The following KANK1 variants were observed in gnomAD, a reference collection of about 807,000 sequenced individuals.
KANK1 encodes KN motif and ankyrin repeat domains 1.
In KANK1, 109 loss-of-function variants were observed where a neutral mutation model predicts 106.2. The observed-to-expected ratio is 1.03, with a 90% CI of 0.88 to 1.20. The LOEUF is 1.20. Among genes scored for constraint, KANK1 ranks in the 50% most tolerant of loss-of-function variants. The pLI is 0.00. For synonymous variants in KANK1, 873 were observed against 652.2 expected (o/e 1.34, Z -5.16); for missense variants, 2,399 against 1,710.7 (o/e 1.40, Z -7.10).
chr9:702,819 G>A (rs149994428), intron 2 of KANK1, among the ~76,000 whole-genome samples: 25 of 152,154 alleles, frequency 1.6e-4, no homozygotes, highest in Admixed American at 7.2e-4. Flanking sequence ...TCTAACCTTG[G>A]CATTCCTTCA....
chr9:569,038 G>T (rs2885157), intron 1 of KANK1, among the ~76,000 whole-genome samples: 88,382 of 151,834 alleles, frequency 0.58, 28,608 homozygotes, highest in East Asian at 0.85. Flanking sequence ...TAGAGGTTCA[G>T]CTGGGGACCA....
Position 705,857 on chromosome 9 carries a change from T to A in KANK1, c.38-4947T>A, listed in dbSNP as rs997881099. On this transcript the variant is annotated intron_variant, in intron 2 of 11. Coordinates refer to ENST00000382297, the MANE Select transcript of KANK1 (RefSeq NM_015158.5). ...TTCAAGTGATCCACCCTCCTCGGTC[T>A]CCCAAAGTGCTGGGATTACAGGCAT... Among the ~76,000 whole-genome samples, 4 of 152,000 alleles carry A rather than the reference T, an allele frequency of 2.6e-5. No homozygotes were observed. In the East Asian group the frequency reaches 7.7e-4, roughly 29 times the overall value.
intron 3 of KANK1, among the ~76,000 whole-genome samples, chr9:473,676 C>A (rs1049181686): frequency 6.6e-6 from 1 of 152,098 alleles, no homozygotes; most frequent in African/African-American, 2.4e-5. Flanking sequence ...TGTTCAGGAA[C>A]TATCTTGCAC....
rs536857528 is a variant in KANK1, at chr9:570,181, G to T, written c.-84+65427G>T. On this transcript the variant is annotated intron_variant, in intron 1 of 11. Transcript: ENST00000382297. ...ACTTTGGAGAATGTATTATTCTTTG[G>T]CCTAGTATGATTGTGTGTGTACATT... Among the ~76,000 whole-genome samples the T allele has an allele frequency of 3.9e-5, 6 of 152,192 alleles. No individual in the cohort carries two copies. The South Asian group carries it at 1.0e-3, about 26-fold the overall frequency.
Position 745,499 on chromosome 9 carries a change from C to G in KANK1, c.*264C>G. On this transcript the variant is annotated 3_prime_UTR_variant, in exon 12 of 12. Transcript: ENST00000382297. The stretch of plus-strand genomic sequence containing the variant: ...GAGTCTCTGCTCCGTTTTGTACAGT[C>G]ACAGGGAATTCTGATCTGAAGGGGC... 1 of 336,342 alleles carries G rather than the reference C, an allele frequency of 3.0e-6. No homozygotes were observed. The highest frequency in any genetic ancestry group is 5.4e-6 in the Non-Finnish European group (1 of 184,130). The allele number at this position is 336,342 out of a possible 1,614,324, so 20.8% of individuals were successfully genotyped here.
At chr9:591,821 G>A (rs758304933) in intron 1 of KANK1, among the ~76,000 whole-genome samples, 1 of 151,668 alleles carries the variant, frequency 6.6e-6, no homozygotes, top group Non-Finnish European at 1.5e-5. Context: ...ACGACGCCCA[G>A]CTAATTTTTG....
At position 591,812 on chromosome 9, in the gene KANK1, C is replaced by T. The variant is rs182338583; in HGVS notation, c.-83-85078C>T. ...TAGCTGGGATTACAGGTGCCCACTA[C>T]GACGCCCAGCTAATTTTTGTATTTT... On this transcript the variant is annotated intron_variant, in intron 1 of 11. Coordinates refer to ENST00000382297, the MANE Select transcript of KANK1 (RefSeq NM_015158.5). 9.2e-5 allele frequency among the ~76,000 whole-genome samples: 14 copies of T among 151,752 alleles called. No homozygotes were observed. In the East Asian group the frequency reaches 2.3e-3, roughly 25 times the overall value.
chr9:603,392 A>G (rs1828267779), intron 1 of KANK1, among the ~76,000 whole-genome samples: 2 of 151,850 alleles, frequency 1.3e-5, no homozygotes, highest in African/African-American at 2.4e-5. Context: ...ATAGCTAATC[A>G]TAGTATGATA....
chr9:568,473 C>T (rs557249241), intron 1 of KANK1, among the ~76,000 whole-genome samples: 2 of 152,232 alleles, frequency 1.3e-5, no homozygotes, highest in East Asian at 1.9e-4. Context: ...CCCATAGAGG[C>T]AGAGACTTGC....
intron 1 of KANK1, among the ~76,000 whole-genome samples, chr9:672,343 A>T (rs891214130): frequency 6.6e-6 from 1 of 152,200 alleles, no homozygotes; most frequent in Admixed American, 6.5e-5. Context: ...TAACAATTGC[A>T]TCAGTGGTAA....
intron 2 of KANK1, chr9:706,935 T>C (rs1276045132): frequency 7.1e-6 from 7 of 985,336 alleles, no homozygotes. Context: ...CTAGCTTTAT[T>C]TAAAAATCAG....
chr9:572,562 A>AT (rs1819483442), intron 1 of KANK1, among the ~76,000 whole-genome samples: 1 of 151,358 alleles, frequency 6.6e-6, no homozygotes, highest in Non-Finnish European at 1.5e-5. Flanking sequence ...AAAAAAAAAA[A>AT]ATTTTTTTTG....
At position 658,606 on chromosome 9, in the gene KANK1, GT is replaced by G. The variant is rs144994809; in HGVS notation, c.-83-18274del. ...CTTCTAGGTTTTCTTAAGTTTTATA[GT>G]TTTTTTTTTAATTTTAGATTTAAGA... On this transcript the variant is annotated intron_variant, in intron 1 of 11. Transcript: ENST00000382297. Among the ~76,000 whole-genome samples the G allele has an allele frequency of 8.0e-4, 119 of 149,066 alleles. 1 individual carries two copies. In the East Asian group the frequency reaches 0.015, roughly 19 times the overall value.
At chr9:735,515 C>T (rs957519185) in intron 7 of KANK1, among the ~76,000 whole-genome samples, 1 of 152,128 alleles carries the variant, frequency 6.6e-6, no homozygotes, top group African/African-American at 2.4e-5. Context: ...CTTTCATAGG[C>T]CAGACTAACC....
chr9:556,684 C>T (rs2061605887), intron 1 of KANK1, among the ~76,000 whole-genome samples: 1 of 18,200 alleles, frequency 5.5e-5, no homozygotes, highest in Non-Finnish European at 1.1e-4. Context: ...ATTGCTAGCC[C>T]CTTTGGTACT....
chr9:744,253 G>T (rs903973417), intron 10 of KANK1, among the ~76,000 whole-genome samples: 1 of 152,208 alleles, frequency 6.6e-6, no homozygotes, highest in South Asian at 2.1e-4. Flanking sequence ...GGGCAGAATG[G>T]TTGAGTAAGA....
intron 2 of KANK1, among the ~76,000 whole-genome samples, chr9:679,729 G>A (rs1180511861): frequency 1.3e-5 from 2 of 152,146 alleles, no homozygotes; most frequent in Non-Finnish European, 1.5e-5. Context: ...GTATAGATGT[G>A]TGTTGTATTG....
At position 712,352 on chromosome 9, in the gene KANK1, G is replaced by A; in HGVS notation, c.1586G>A (p.Ser529Asn). 3 of 1,614,222 alleles carry A rather than the reference G, an allele frequency of 1.9e-6. No homozygotes were observed. The highest frequency in any genetic ancestry group is 1.7e-6 in the Non-Finnish European group (2 of 1,180,048). ...VVQTRDQMVG[S>N]HMDLVDTCVG... ...CAGACCAGAGACCAAATGGTCGGCA[G>A]TCACATGGACCTGGTGGACACGTGT... The change falls in exon 3 of 12, where the codon AGT (serine) becomes AAT (asparagine). Residue 529 changes from serine (S) to asparagine (N), a missense_variant. By Grantham distance (46) the Ser-to-Asn change is conservative. Transcript: ENST00000382297.
At chr9:484,011 G>A (rs951610065) in intron 3 of KANK1, among the ~76,000 whole-genome samples, 10 of 152,278 alleles carry the variant, frequency 6.6e-5, no homozygotes, top group South Asian at 2.1e-4. Context: ...AAACAAATCC[G>A]TCTGTCCCCA....
Sources: allele counts gnomAD v4.1 joint callset (sites outside exome capture counted in the v4.1 genomes callset), GRCh38; gene constraint gnomAD v4.1.1; transcripts MANE v1.5; gene names NCBI Gene and HGNC (gene_info 2026-07-23, HGNC 2026-07-21).